VDR: variants seen among roughly 807,000 people sequenced by gnomAD.
VDR encodes vitamin D3 receptor.
A neutral mutation model predicts 39.7 loss-of-function variants in VDR; 19 were observed. That is an observed-to-expected ratio of 0.48 (90% CI 0.33 to 0.70). The LOEUF (loss-of-function observed/expected upper bound fraction) is 0.70, where lower values mean the gene tolerates loss of function less well. Ranked by LOEUF, VDR falls within the 30% of genes least tolerant of loss-of-function variation. The probability of loss-of-function intolerance (pLI) is 0.02; values close to 1 mark genes in which losing one functional copy is unlikely to be tolerated. For missense variants in VDR, 442 were observed against 570.5 expected, an observed-to-expected ratio of 0.77 and a Z score of 2.29; for synonymous variants, 242 against 215.8, an observed-to-expected ratio of 1.12 and a Z score of -1.07.
At chr12:47,857,437 C>T (rs1469015193) in intron 5 of VDR, 67 bp downstream of exon 5, 6 of 1,611,754 alleles carry the variant, frequency 3.7e-6, no homozygotes, top group Middle Eastern at 3.3e-4. Context: ...TGTCCCTACT[C>T]CCTGGGCCCT....
intron 1 of VDR, among the ~76,000 whole-genome samples, chr12:47,899,630 A>C (rs1946524198): frequency 6.6e-6 from 1 of 152,200 alleles, no homozygotes; most frequent in Admixed American, 6.5e-5. Context: ...CCTGAGACCC[A>C]CAGGGGGTGG....
At chr12:47,893,054 A>G (rs1439023005) in intron 1 of VDR, among the ~76,000 whole-genome samples, 1 of 152,240 alleles carries the variant, frequency 6.6e-6, no homozygotes, top group Admixed American at 6.5e-5. Context: ...TGCCAGGAAG[A>G]GACGTAATAA....
chr12:47,845,703 G>A (rs1391561576), intron 9 of VDR, among the ~76,000 whole-genome samples: 2 of 152,124 alleles, frequency 1.3e-5, no homozygotes, highest in African/African-American at 2.4e-5. Flanking sequence ...CTGGGCAGGG[G>A]TAGAGGAGCC....
chr12:47,842,599 AGGC>A lies in VDR; in HGVS notation c.*2144_*2146del. 1 of 149,296 alleles carries A rather than the reference AGGC, an allele frequency of 6.7e-6. No individual in the cohort carries two copies. The highest frequency in any genetic ancestry group is 2.0e-4 in the East Asian group (1 of 5,108). 9.2% of individuals were successfully genotyped at this position (149,296 alleles called of 1,614,324 possible). On this transcript the variant is annotated 3_prime_UTR_variant, in exon 10 of 10. Transcript: ENST00000549336. The stretch of plus-strand genomic sequence containing the variant: ...CAGCCTCCTGAGTAGCTGGGATTAC[AGGC>A]TTGCGCCACCATGCCCGGCTATTTT...
At position 47,878,984 on chromosome 12, in the gene VDR, A is replaced by G; in HGVS notation, c.130T>C (p.Cys44Arg). Residue 44 changes from cysteine to arginine, a missense_variant, in exon 3 of 10, where the codon TGC becomes CGC. Physicochemically the swap from Cys to Arg is radical, Grantham distance 180. Around this residue, in one of 5 missense-constraint regions of VDR, gnomAD observed 141 missense variants for 141.3 expected, o/e 1.00. Coordinates refer to ENST00000549336, the MANE Select transcript of VDR (RefSeq NM_000376.3). ...AGGGCTCACCTGAAGAAGCCTTTGCAGCCTTCACAGGTCATAGCATTGAAG... is the reference window on the plus strand; with the variant it reads ...AGGGCTCACCTGAAGAAGCCTTTGCGGCCTTCACAGGTCATAGCATTGAAG... Reference protein sequence around the residue: ...FHFNAMTCEGCKGFFRRSMKR... With the variant: ...FHFNAMTCEGRKGFFRRSMKR... 6.2e-7 allele frequency: 1 copy of G among 1,614,206 alleles called. No homozygotes were observed. The highest frequency in any genetic ancestry group is 8.5e-7 in the Non-Finnish European group (1 of 1,180,022).
At chr12:47,852,151 T>G (rs2137134127) in intron 7 of VDR, among the ~76,000 whole-genome samples, 1 of 152,316 alleles carries the variant, frequency 6.6e-6, no homozygotes. Context: ...TTAGGGCAGC[T>G]TTCCCGTGTA....
chr12:47,847,264 G>A (rs1945298131), intron 7 of VDR, among the ~76,000 whole-genome samples: 1 of 152,034 alleles, frequency 6.6e-6, no homozygotes, highest in African/African-American at 2.4e-5. Flanking sequence ...TCAAGCCCGT[G>A]ATCTTATTCC....
chr12:47,895,982 G>A (rs1189941296), intron 1 of VDR, among the ~76,000 whole-genome samples: 1 of 152,216 alleles, frequency 6.6e-6, no homozygotes, highest in Non-Finnish European at 1.5e-5. Flanking sequence ...TGACAGCAGA[G>A]CTCACGGTTA....
At chr12:47,879,743 T>G (rs1255456106) in intron 2 of VDR, among the ~76,000 whole-genome samples, 2 of 152,092 alleles carry the variant, frequency 1.3e-5, no homozygotes, top group Non-Finnish European at 2.9e-5. Flanking sequence ...ACCAAGACAA[T>G]CAACATTTCA....
intron 1 of VDR, chr12:47,904,594 A>G: frequency 6.5e-7 from 1 of 1,535,920 alleles, no homozygotes; most frequent in Non-Finnish European, 8.7e-7. Flanking sequence ...AGCACCATCG[A>G]CAGCCAATCG....
intron 4 of VDR, among the ~76,000 whole-genome samples, chr12:47,858,368 A>C (rs1945540710): frequency 6.6e-6 from 1 of 152,212 alleles, no homozygotes. Flanking sequence ...ATATAGAAAG[A>C]CTAGACCTCT....
intron 3 of VDR, 90 bp downstream of exon 3, chr12:47,878,878 G>A: frequency 6.3e-7 from 1 of 1,598,660 alleles, no homozygotes; most frequent in South Asian, 1.1e-5. Context: ...TAAGGAAGGA[G>A]ATGTGAAAAA....
intron 1 of VDR, among the ~76,000 whole-genome samples, chr12:47,894,972 C>A (rs1228937922): frequency 6.6e-6 from 1 of 152,254 alleles, no homozygotes; most frequent in Non-Finnish European, 1.5e-5. Flanking sequence ...GGCTACAACT[C>A]TTACAGAATG....
chr12:47,888,744 G>A (rs1210058697), intron 1 of VDR, among the ~76,000 whole-genome samples: 2 of 152,188 alleles, frequency 1.3e-5, no homozygotes, highest in Non-Finnish European at 2.9e-5. Flanking sequence ...GGTATTTAGA[G>A]GCTGGGATGG....
At chr12:47,886,552 T>C (rs571239210) in intron 1 of VDR, among the ~76,000 whole-genome samples, 4 of 152,142 alleles carry the variant, frequency 2.6e-5, no homozygotes, top group African/African-American at 9.7e-5. Context: ...ATAGAACATA[T>C]CCAAACTACT....
chr12:47,879,477 C>T (rs577897300), intron 2 of VDR, among the ~76,000 whole-genome samples: 7 of 152,190 alleles, frequency 4.6e-5, no homozygotes, highest in Admixed American at 1.3e-4. Context: ...TGAACCCATT[C>T]ATGCTACTGG....
At chr12:47,868,303 C>A (rs1362783554) in intron 3 of VDR, among the ~76,000 whole-genome samples, 1 of 152,212 alleles carries the variant, frequency 6.6e-6, no homozygotes, top group Non-Finnish European at 1.5e-5. Context: ...GCTGTGACAA[C>A]CCTCATCACC....
At chr12:47,861,513 G>A (rs554780539) in intron 4 of VDR, among the ~76,000 whole-genome samples, 4 of 152,328 alleles carry the variant, frequency 2.6e-5, no homozygotes, top group African/African-American at 9.6e-5. Context: ...TTTGTTTAAA[G>A]ATCTTGTTAA....
intron 3 of VDR, 36 bp from the exon 4 acceptor site, chr12:47,865,213 G>T: frequency 6.2e-7 from 1 of 1,605,326 alleles, no homozygotes. Context: ...CTGGGTCACT[G>T]AACTTCCGGC....
Sources: allele counts gnomAD v4.1 joint callset (sites outside exome capture counted in the v4.1 genomes callset), GRCh38; gene constraint gnomAD v4.1.1; regional missense constraint gnomAD v4.1.1; transcripts MANE v1.5; gene names NCBI Gene and HGNC (gene_info 2026-07-23, HGNC 2026-07-21).